NHEJ1: variants seen among roughly 807,000 people sequenced by gnomAD.
NHEJ1 encodes the protein non-homologous end joining factor 1.
NHEJ1 carries 22 observed loss-of-function variants against 39.4 expected under a neutral mutation model. That is an observed-to-expected ratio of 0.56 (90% CI 0.40 to 0.80). NHEJ1 has a LOEUF of 0.80. Ranked by LOEUF, NHEJ1 falls within the 30% of genes least tolerant of loss-of-function variation. The pLI, the probability that NHEJ1 is intolerant of heterozygous loss-of-function variation, is 0.00. For missense variants in NHEJ1, 329 were observed against 357.1 expected, an observed-to-expected ratio of 0.92 and a Z score of 0.63; for synonymous variants, 154 against 135.6, an observed-to-expected ratio of 1.14 and a Z score of -0.94.
chr2:219,081,043 C>T (rs924289509), intron 5 of NHEJ1, among the ~76,000 whole-genome samples: 1 of 152,180 alleles, frequency 6.6e-6, no homozygotes, highest in African/African-American at 2.4e-5. Context: ...CAATCCTTCA[C>T]ATCCCAGATC....
At chr2:219,135,581 C>T (rs1432555474) in intron 5 of NHEJ1, among the ~76,000 whole-genome samples, 1 of 152,218 alleles carries the variant, frequency 6.6e-6, no homozygotes, top group Non-Finnish European at 1.5e-5. Flanking sequence ...TGCACTCCAG[C>T]CTACAGGACA....
chr2:219,089,853 T>C (rs973264716), intron 5 of NHEJ1, among the ~76,000 whole-genome samples: 11 of 152,214 alleles, frequency 7.2e-5, no homozygotes, highest in African/African-American at 2.7e-4. Flanking sequence ...TAGGAATAGA[T>C]GCTTAGGCTC....
At position 219,147,649 on chromosome 2, in the gene NHEJ1, C is replaced by T. The variant is rs376407655; in HGVS notation, c.529+8G>A. ...CCCCACCCAACTCCTCCAAGAATGTCCTCTTACCTCGAATCAGCGTAGCCC... is the reference window on the plus strand; with the variant it reads ...CCCCACCCAACTCCTCCAAGAATGTTCTCTTACCTCGAATCAGCGTAGCCC... On this transcript the variant is annotated splice_region_variant and intron_variant, in intron 4 of 7. Coordinates refer to ENST00000356853, the MANE Select transcript of NHEJ1 (RefSeq NM_024782.3). The T allele has an allele frequency of 1.2e-6, 2 of 1,614,026 alleles. No homozygotes were observed. Among genetic ancestry groups the T allele is most frequent in the East Asian group, 2.2e-5 (1 of 44,892 alleles).
intron 5 of NHEJ1, among the ~76,000 whole-genome samples, chr2:219,083,133 G>A (rs906302781): frequency 1.3e-5 from 2 of 152,178 alleles, no homozygotes; most frequent in African/African-American, 2.4e-5. Context: ...TTTAGATGCT[G>A]GGAATATGGT....
At chr2:219,080,669 T>TATA (rs1949058132) in intron 5 of NHEJ1, among the ~76,000 whole-genome samples, 2 of 85,990 alleles carry the variant, frequency 2.3e-5, no homozygotes, top group East Asian at 3.2e-4. Flanking sequence ...ATATAAGCTT[T>TATA]TATATATGCT....
At chr2:219,121,829 A>T (rs1339730398) in intron 5 of NHEJ1, among the ~76,000 whole-genome samples, 2 of 152,288 alleles carry the variant, frequency 1.3e-5, no homozygotes, top group Non-Finnish European at 2.9e-5. Flanking sequence ...TAAAAAAAAA[A>T]AAAATTAAAT....
intron 5 of NHEJ1, among the ~76,000 whole-genome samples, chr2:219,107,116 T>C (rs527694554): frequency 6.6e-6 from 1 of 152,176 alleles, no homozygotes; most frequent in East Asian, 1.9e-4. Flanking sequence ...AAGGTAAGTA[T>C]GTGAAAACAG....
At chr2:219,092,065 T>C (rs966154013) in intron 5 of NHEJ1, among the ~76,000 whole-genome samples, 2 of 152,208 alleles carry the variant, frequency 1.3e-5, no homozygotes, top group Non-Finnish European at 2.9e-5. Context: ...TACAGGTCTA[T>C]GTACAGTCTG....
intron 5 of NHEJ1, among the ~76,000 whole-genome samples, chr2:219,101,777 G>A (rs936988054): frequency 1.1e-4 from 16 of 147,558 alleles, no homozygotes; most frequent in Admixed American, 6.9e-4. Context: ...GCAGGCTGGA[G>A]TGCAGTGGCG....
At chr2:219,155,410 T>A (rs530146400) in intron 3 of NHEJ1, among the ~76,000 whole-genome samples, 69 of 151,816 alleles carry the variant, frequency 4.5e-4, no homozygotes, top group East Asian at 1.2e-3. Context: ...CTACAAAAAA[T>A]TTTTTTTAAT....
rs576695625 is a variant in NHEJ1, at chr2:219,099,241, C to T, written c.589-21035G>A. ...GGCACTACTGCCACTTTGCGCTGGA[C>T]AATTCCTCATGCTGGAGGGCTGTCC... On this transcript the variant is annotated intron_variant, in intron 5 of 7. Transcript: ENST00000356853. Among the ~76,000 whole-genome samples, 23 of 152,306 alleles carry T rather than the reference C, an allele frequency of 1.5e-4. No homozygotes were observed. In the South Asian group the frequency reaches 3.9e-3, roughly 26 times the overall value.
At chr2:219,113,668 A>G (rs183873969) in intron 5 of NHEJ1, among the ~76,000 whole-genome samples, 98 of 152,200 alleles carry the variant, frequency 6.4e-4, no homozygotes, top group African/African-American at 2.1e-3. Context: ...CTCCCCCTCC[A>G]TAAGTCTTCG....
intron 5 of NHEJ1, among the ~76,000 whole-genome samples, chr2:219,134,450 T>C (rs181653573): frequency 3.3e-4 from 50 of 152,356 alleles, no homozygotes; most frequent in African/African-American, 1.1e-3. Context: ...TTAGTTACCC[T>C]TTCTTGGCTA....
chr2:219,132,950 C>T (rs143050737), intron 5 of NHEJ1, among the ~76,000 whole-genome samples: 21 of 152,244 alleles, frequency 1.4e-4, no homozygotes, highest in Non-Finnish European at 2.4e-4. Context: ...CAGTATAATT[C>T]CATCAAGTTT....
chr2:219,140,972 T>C (rs1038566911), intron 5 of NHEJ1, among the ~76,000 whole-genome samples: 1 of 152,296 alleles, frequency 6.6e-6, no homozygotes, highest in Admixed American at 6.5e-5. Context: ...AAAAGTGTCA[T>C]AATCAAGTTT....
In NHEJ1 at chr2:219,159,526, CAT is replaced by C. The variant is rs5838720; in HGVS notation, c.1-1166_1-1165del. Among the ~76,000 whole-genome samples the C allele has an allele frequency of 1.1e-3, 48 of 42,106 alleles. 2 individuals carry two copies. The highest frequency in any genetic ancestry group is 1.7e-3 in the Non-Finnish European group (37 of 21,728). The allele number at this position is 42,106 out of a possible 152,430, so 27.6% of individuals were successfully genotyped here. ...TGTGACATAACTTTATATATATATG[CAT>C]ATATATATGCATATATATATATGCA... On this transcript the variant is annotated intron_variant, in intron 1 of 7. Transcript: ENST00000356853.
chr2:219,081,737 G>A (rs183585936), intron 5 of NHEJ1, among the ~76,000 whole-genome samples: 1 of 152,202 alleles, frequency 6.6e-6, no homozygotes, highest in African/African-American at 2.4e-5. Context: ...TCAACAAAGG[G>A]TAATAGGGAA....
chr2:219,087,915 T>C (rs544293150), intron 5 of NHEJ1, among the ~76,000 whole-genome samples: 4 of 152,226 alleles, frequency 2.6e-5, no homozygotes, highest in South Asian at 2.1e-4. Context: ...CTCTTAAAAA[T>C]CAGTAAGAAA....
intron 5 of NHEJ1, among the ~76,000 whole-genome samples, chr2:219,118,106 C>T (rs1469764993): frequency 1.3e-5 from 2 of 151,918 alleles, no homozygotes; most frequent in African/African-American, 2.4e-5. Flanking sequence ...GTATTCTTTC[C>T]TACCCATTGC....
Sources: allele counts gnomAD v4.1 joint callset (sites outside exome capture counted in the v4.1 genomes callset), GRCh38; gene constraint gnomAD v4.1.1; transcripts MANE v1.5; gene names NCBI Gene and HGNC (gene_info 2026-07-23, HGNC 2026-07-21).